RCAN2: variants seen among roughly 807,000 people sequenced by gnomAD.
The protein encoded by RCAN2 is calcipressin-2.
A neutral mutation model predicts 23.6 loss-of-function variants in RCAN2; 9 were observed. The observed-to-expected ratio is 0.38, with a 90% CI of 0.23 to 0.67. The LOEUF (loss-of-function observed/expected upper bound fraction) is 0.67, where lower values mean the gene tolerates loss of function less well. Among genes scored for constraint, RCAN2 ranks in the 30% least tolerant of loss-of-function variants. RCAN2 has a pLI of 0.51. For missense variants in RCAN2, 273 were observed against 302.3 expected (o/e 0.90, Z 0.72); for synonymous variants, 109 against 115.7 (o/e 0.94, Z 0.37).
intron 2 of RCAN2, among the ~76,000 whole-genome samples, chr6:46,445,266 C>G (rs190860175): frequency 6.6e-6 from 1 of 152,112 alleles, no homozygotes; most frequent in Non-Finnish European, 1.5e-5. Context: ...CCAATCAATA[C>G]GTTTATCCCA....
chr6:46,420,234 A>G (rs776035673), intron 2 of RCAN2, among the ~76,000 whole-genome samples: 1 of 152,128 alleles, frequency 6.6e-6, no homozygotes, highest in Admixed American at 6.5e-5. Flanking sequence ...TTATCATCGT[A>G]TCACTAAAAT....
intron 2 of RCAN2, among the ~76,000 whole-genome samples, chr6:46,388,375 T>G (rs892803409): frequency 6.6e-6 from 1 of 152,162 alleles, no homozygotes; most frequent in African/African-American, 2.4e-5. Context: ...TCAACCATCG[T>G]GGAAGGCAGT....
At chr6:46,239,995 G>A (rs1766245999) in intron 4 of RCAN2, among the ~76,000 whole-genome samples, 1 of 152,196 alleles carries the variant, frequency 6.6e-6, no homozygotes, top group Non-Finnish European at 1.5e-5. Context: ...GGGGAAAGAG[G>A]TGGGAAGATA....
chr6:46,491,606 C>G (rs1769156735), upstream of RCAN2, among the ~76,000 whole-genome samples: 1 of 152,048 alleles, frequency 6.6e-6, no homozygotes, highest in Non-Finnish European at 1.5e-5. Flanking sequence ...GCGCCCTCCC[C>G]AGTCCCCTAC....
chr6:46,432,991 G>A (rs770989268), intron 2 of RCAN2, among the ~76,000 whole-genome samples: 19 of 152,112 alleles, frequency 1.2e-4, no homozygotes, highest in Non-Finnish European at 2.6e-4. Context: ...TTTTTTGGAA[G>A]AGGAGGAGCC....
chr6:46,349,058 A>G (rs1294736751), intron 2 of RCAN2, among the ~76,000 whole-genome samples: 2 of 152,204 alleles, frequency 1.3e-5, no homozygotes, highest in East Asian at 1.9e-4. Flanking sequence ...TTCCAAAACC[A>G]TACAGCAAAT....
At chr6:46,357,726 G>C (rs1764882120) in intron 2 of RCAN2, among the ~76,000 whole-genome samples, 1 of 152,332 alleles carries the variant, frequency 6.6e-6, no homozygotes, top group South Asian at 2.1e-4. Context: ...ACATGTTGAA[G>C]CTGGGATGCT....
At chr6:46,455,041 T>C (rs1005371028) in intron 2 of RCAN2, among the ~76,000 whole-genome samples, 3 of 152,218 alleles carry the variant, frequency 2.0e-5, no homozygotes, top group African/African-American at 7.2e-5. Context: ...AATTGTGATA[T>C]TTAGAGAAAT....
At chr6:46,426,146 C>A (rs774337178) in intron 2 of RCAN2, among the ~76,000 whole-genome samples, 41 of 151,898 alleles carry the variant, frequency 2.7e-4, no homozygotes, top group Non-Finnish European at 4.7e-4. Context: ...TGATCCACCC[C>A]CCTCAGCTTC....
At chr6:46,352,787 AC>A (rs1274425726) in intron 2 of RCAN2, among the ~76,000 whole-genome samples, 1 of 152,162 alleles carries the variant, frequency 6.6e-6, no homozygotes, top group East Asian at 1.9e-4. Context: ...AGGTCCTGTC[AC>A]TGTAAAGGAA....
At chr6:46,245,296 A>G (rs1340812827) in intron 4 of RCAN2, among the ~76,000 whole-genome samples, 4 of 152,188 alleles carry the variant, frequency 2.6e-5, no homozygotes, top group Non-Finnish European at 4.4e-5. Flanking sequence ...TGAAAGTTCT[A>G]TAATTTAACT....
intron 2 of RCAN2, among the ~76,000 whole-genome samples, chr6:46,392,099 T>G (rs1765953378): frequency 6.6e-6 from 1 of 152,170 alleles, no homozygotes; most frequent in Non-Finnish European, 1.5e-5. Flanking sequence ...AACCATATGC[T>G]TCTCTCCTTT....
At chr6:46,297,966 C>T (rs958832725) in intron 2 of RCAN2, among the ~76,000 whole-genome samples, 1 of 152,106 alleles carries the variant, frequency 6.6e-6, no homozygotes, top group Admixed American at 6.5e-5. Context: ...AACTGAAACA[C>T]TTTGAAACAA....
chr6:46,360,692 T>C (rs1764984917), intron 2 of RCAN2, among the ~76,000 whole-genome samples: 1 of 152,170 alleles, frequency 6.6e-6, no homozygotes, highest in South Asian at 2.1e-4. Flanking sequence ...CAAAAACAAG[T>C]GGATACGTTC....
intron 2 of RCAN2, chr6:46,325,417 C>G (rs1378110793): frequency 6.2e-7 from 1 of 1,614,008 alleles, no homozygotes; most frequent in Admixed American, 1.7e-5. Context: ...TGGTAAAGAC[C>G]TCGACATCCA....
chr6:46,461,267 G>A (rs1372771108), intron 1 of RCAN2, among the ~76,000 whole-genome samples: 2 of 152,088 alleles, frequency 1.3e-5, no homozygotes, highest in African/African-American at 4.8e-5. Context: ...GCAGTTCCCT[G>A]TGTGATTATA....
intron 2 of RCAN2, among the ~76,000 whole-genome samples, chr6:46,305,217 T>C (rs1763024589): frequency 6.6e-6 from 1 of 151,940 alleles, no homozygotes; most frequent in Non-Finnish European, 1.5e-5. Flanking sequence ...ATGCATGGAG[T>C]TAACAATCTG....
intron 2 of RCAN2, among the ~76,000 whole-genome samples, chr6:46,411,639 T>A (rs1183200929): frequency 2.6e-5 from 4 of 152,076 alleles, no homozygotes; most frequent in African/African-American, 9.7e-5. Context: ...TCAGATGTTT[T>A]ATCAGATTAT....
chr6:46,417,873 C>T (rs1766758222), intron 2 of RCAN2, among the ~76,000 whole-genome samples: 1 of 152,198 alleles, frequency 6.6e-6, no homozygotes, highest in Admixed American at 6.5e-5. Context: ...TTTTGCAATA[C>T]TTAATTGCAG....
Sources: allele counts gnomAD v4.1 joint callset (sites outside exome capture counted in the v4.1 genomes callset), GRCh38; gene constraint gnomAD v4.1.1; transcripts MANE v1.5; gene names NCBI Gene and HGNC (gene_info 2026-07-23, HGNC 2026-07-21).